PCDH9: variants seen among roughly 807,000 people sequenced by gnomAD.
The protein encoded by PCDH9 is protocadherin 9, also known as protocadherin-9.
In PCDH9, 24 loss-of-function variants were observed where a neutral mutation model predicts 70.6. The observed-to-expected ratio is 0.34, with a 90% CI of 0.25 to 0.48. The LOEUF is 0.48. Ranked by LOEUF, PCDH9 falls within the 20% of genes least tolerant of loss-of-function variation. The probability of loss-of-function intolerance (pLI) is 0.99; values close to 1 mark genes in which losing one functional copy is unlikely to be tolerated. For missense variants in PCDH9, 1,281 were observed against 1,503.6 expected, an observed-to-expected ratio of 0.85 and a Z score of 2.45; for synonymous variants, 562 against 558.5, an observed-to-expected ratio of 1.01 and a Z score of -0.09.
At chr13:66,433,101 A>G (rs1957802681) in intron 4 of PCDH9, among the ~76,000 whole-genome samples, 1 of 152,016 alleles carries the variant, frequency 6.6e-6, no homozygotes, top group Admixed American at 6.6e-5. Context: ...ATGCTTAAGC[A>G]GGTAATTGTC....
At chr13:67,021,343 C>T (rs2084669345) in intron 2 of PCDH9, among the ~76,000 whole-genome samples, 1 of 152,118 alleles carries the variant, frequency 6.6e-6, no homozygotes, top group African/African-American at 2.4e-5. Flanking sequence ...TCAGTAAATA[C>T]TTAATAAATG....
At chr13:66,832,706 A>C (rs983937574) in intron 3 of PCDH9, among the ~76,000 whole-genome samples, 34 of 152,174 alleles carry the variant, frequency 2.2e-4, no homozygotes, top group Admixed American at 2.1e-3. Context: ...TTTAAAATGT[A>C]TATATTTTTC....
At chr13:66,483,862 A>G (rs1958889024) in intron 4 of PCDH9, among the ~76,000 whole-genome samples, 1 of 152,124 alleles carries the variant, frequency 6.6e-6, no homozygotes, top group Admixed American at 6.5e-5. Context: ...GGAGACCCCT[A>G]GCGGGCAGAT....
chr13:66,522,183 A>C (rs1157104574), intron 4 of PCDH9, among the ~76,000 whole-genome samples: 1 of 151,782 alleles, frequency 6.6e-6, no homozygotes, highest in South Asian at 2.1e-4. Flanking sequence ...ACCCTTCCAT[A>C]GCTCAATTAA....
In PCDH9 at chr13:67,170,597, G is replaced by A. The variant is rs185903171; in HGVS notation, c.3036+54808C>T. Among the ~76,000 whole-genome samples, 42 of 152,218 alleles carry A rather than the reference G, an allele frequency of 2.8e-4. No homozygotes were observed. In the East Asian group the frequency reaches 6.4e-3, roughly 23 times the overall value. ...GAATGCTATAATATAATAACAATGG[G>A]AATTGCATATTTTACTATATTTATC... On this transcript the variant is annotated intron_variant, in intron 2 of 4. Coordinates refer to ENST00000377865, the MANE Select transcript of PCDH9 (RefSeq NM_203487.3).
chr13:66,383,424 A>G (rs1307225401), intron 4 of PCDH9, among the ~76,000 whole-genome samples: 4 of 152,166 alleles, frequency 2.6e-5, no homozygotes, highest in African/African-American at 9.7e-5. Context: ...GGGAAGGTAC[A>G]ATGTCATTTT....
At chr13:66,934,922 G>A (rs1466556564) in intron 2 of PCDH9, among the ~76,000 whole-genome samples, 2 of 149,964 alleles carry the variant, frequency 1.3e-5, no homozygotes, top group Non-Finnish European at 3.0e-5. Flanking sequence ...GGGTTTCACC[G>A]TGTTAGCCAG....
At chr13:66,499,201 G>T (rs1162728298) in intron 4 of PCDH9, among the ~76,000 whole-genome samples, 1 of 151,666 alleles carries the variant, frequency 6.6e-6, no homozygotes, top group Non-Finnish European at 1.5e-5. Flanking sequence ...GAAATTAAAA[G>T]AAAGATGATA....
At chr13:66,435,615 C>A (rs1957854454) in intron 4 of PCDH9, among the ~76,000 whole-genome samples, 1 of 151,968 alleles carries the variant, frequency 6.6e-6, no homozygotes, top group Non-Finnish European at 1.5e-5. Flanking sequence ...TATTATACAG[C>A]AAAGCAACTT....
chr13:66,918,220 G>A (rs910005371), intron 2 of PCDH9, among the ~76,000 whole-genome samples: 1 of 151,186 alleles, frequency 6.6e-6, no homozygotes, highest in Non-Finnish European at 1.5e-5. Context: ...GAGGAAGAGA[G>A]AGGGGAGAGG....
At chr13:66,605,223 G>T (rs1667335391) in intron 4 of PCDH9, among the ~76,000 whole-genome samples, 1 of 151,918 alleles carries the variant, frequency 6.6e-6, no homozygotes, top group African/African-American at 2.4e-5. Flanking sequence ...CAAATACCTG[G>T]CAAAAATAAT....
At chr13:67,031,516 C>G (rs1260807471) in intron 2 of PCDH9, among the ~76,000 whole-genome samples, 1 of 152,028 alleles carries the variant, frequency 6.6e-6, no homozygotes, top group Non-Finnish European at 1.5e-5. Flanking sequence ...AACCCTGTCT[C>G]TACCAAAAAT....
At chr13:66,331,921 A>C (rs573170931) in intron 4 of PCDH9, among the ~76,000 whole-genome samples, 1 of 152,194 alleles carries the variant, frequency 6.6e-6, no homozygotes, top group African/African-American at 2.4e-5. Context: ...AGGGTACTGA[A>C]GGTAGGATTC....
intron 2 of PCDH9, among the ~76,000 whole-genome samples, chr13:67,117,575 A>G (rs61959407): frequency 0.092 from 14,066 of 152,148 alleles, 731 homozygotes; most frequent in Non-Finnish European, 0.12. Context: ...GTAAAGTATA[A>G]ATTTGTAGCC....
chr13:66,825,237 G>T (rs890059214), intron 3 of PCDH9: 1 of 149,322 alleles, frequency 6.7e-6, no homozygotes, highest in African/African-American at 2.5e-5. Context: ...TCTCGAACAG[G>T]TATGTTTTTC....
chr13:66,367,950 C>T (rs955706757), intron 4 of PCDH9, among the ~76,000 whole-genome samples: 6 of 152,094 alleles, frequency 3.9e-5, no homozygotes, highest in African/African-American at 9.7e-5. Flanking sequence ...AATCCTTAGA[C>T]ATTTTCTAGA....
intron 3 of PCDH9, among the ~76,000 whole-genome samples, chr13:66,684,118 T>C (rs2078366217): frequency 6.6e-6 from 1 of 152,150 alleles, no homozygotes; most frequent in African/African-American, 2.4e-5. Context: ...AATCCTTTGA[T>C]TTGGTGATAG....
intron 4 of PCDH9, among the ~76,000 whole-genome samples, chr13:66,535,205 T>C (rs1960647183): frequency 6.6e-6 from 1 of 152,080 alleles, no homozygotes; most frequent in South Asian, 2.1e-4. Context: ...AAATGGAAAG[T>C]AAATGAAACA....
chr13:66,938,775 G>A (rs778793861), intron 2 of PCDH9, among the ~76,000 whole-genome samples: 1 of 152,070 alleles, frequency 6.6e-6, no homozygotes, highest in South Asian at 2.1e-4. Context: ...ATATAATCAC[G>A]CTTTGCTTTT....
Sources: gnomAD v4.1 joint callset for allele counts (sites outside exome capture counted in the v4.1 genomes callset) on GRCh38, gnomAD v4.1.1 for gene constraint, MANE v1.5 for transcripts, NCBI Gene and HGNC (gene_info 2026-07-23, HGNC 2026-07-21) for gene names.